NLGN1: variants seen among roughly 807,000 people sequenced by gnomAD.
NLGN1 encodes the protein neuroligin-1.
NLGN1 carries 12 observed loss-of-function variants against 65.5 expected under a neutral mutation model. That is an observed-to-expected ratio of 0.18 (90% CI 0.12 to 0.30). The LOEUF is 0.30. Among genes scored for constraint, NLGN1 ranks in the 10% least tolerant of loss-of-function variants. The pLI, the probability that NLGN1 is intolerant of heterozygous loss-of-function variation, is 1.00. For missense variants in NLGN1, 750 were observed against 1,007.1 expected, an observed-to-expected ratio of 0.74 and a Z score of 3.46; for synonymous variants, 350 against 359.5, an observed-to-expected ratio of 0.97 and a Z score of 0.30.
At chr3:173,758,630 G>A (rs1697716821) in intron 3 of NLGN1, among the ~76,000 whole-genome samples, 1 of 151,788 alleles carries the variant, frequency 6.6e-6, no homozygotes, top group Non-Finnish European at 1.5e-5. Flanking sequence ...GTCTTGCTCT[G>A]ACTTTTGTAA....
intron 4 of NLGN1, among the ~76,000 whole-genome samples, chr3:173,948,549 A>T (rs1187131032): frequency 6.6e-6 from 1 of 152,230 alleles, no homozygotes; most frequent in Non-Finnish European, 1.5e-5. Flanking sequence ...ACAGGGATAG[A>T]AGTTTTAGGA....
At chr3:173,689,775 T>C (rs1028429667) in intron 3 of NLGN1, among the ~76,000 whole-genome samples, 1 of 152,114 alleles carries the variant, frequency 6.6e-6, no homozygotes, top group Non-Finnish European at 1.5e-5. Flanking sequence ...TGAACTACAA[T>C]AAAAATCCTG....
At chr3:173,876,870 G>T (rs1732211526) in intron 4 of NLGN1, among the ~76,000 whole-genome samples, 1 of 152,096 alleles carries the variant, frequency 6.6e-6, no homozygotes, top group East Asian at 1.9e-4. Context: ...TAAATGTCAT[G>T]GAAGTGAGAA....
chr3:174,278,594 T>C (rs967588279), intron 5 of NLGN1, among the ~76,000 whole-genome samples: 7 of 151,856 alleles, frequency 4.6e-5, no homozygotes, highest in African/African-American at 1.7e-4. Context: ...CACTACATCG[T>C]CTCCTTTTCT....
intron 4 of NLGN1, among the ~76,000 whole-genome samples, chr3:174,185,757 T>C (rs1173643298): frequency 6.6e-6 from 1 of 151,718 alleles, no homozygotes; most frequent in African/African-American, 2.4e-5. Context: ...TTGAATGTAG[T>C]CTGCTTTTTA....
intron 3 of NLGN1, among the ~76,000 whole-genome samples, chr3:173,700,235 G>C (rs900203291): frequency 2.0e-5 from 3 of 152,120 alleles, no homozygotes; most frequent in South Asian, 2.1e-4. Flanking sequence ...CTGCAGAAAT[G>C]CTCCATTTTC....
chr3:173,759,729 T>C (rs1332484340), intron 3 of NLGN1, among the ~76,000 whole-genome samples: 1 of 152,006 alleles, frequency 6.6e-6, no homozygotes, highest in African/African-American at 2.4e-5. Context: ...ATAGCTCGTA[T>C]ATTGTTTTTC....
At chr3:173,452,372 G>T (rs1161244491) in intron 2 of NLGN1, among the ~76,000 whole-genome samples, 1 of 152,024 alleles carries the variant, frequency 6.6e-6, no homozygotes, top group East Asian at 1.9e-4. Flanking sequence ...TTTTTTGGTA[G>T]AGACGGGGTT....
At chr3:173,682,661 A>G (rs1166667246) in intron 3 of NLGN1, among the ~76,000 whole-genome samples, 1 of 151,936 alleles carries the variant, frequency 6.6e-6, no homozygotes, top group Non-Finnish European at 1.5e-5. Context: ...AACTTAAATA[A>G]TTGGGTTAAC....
chr3:173,979,817 T>C (rs1718357780), intron 4 of NLGN1, among the ~76,000 whole-genome samples: 2 of 152,258 alleles, frequency 1.3e-5, no homozygotes, highest in South Asian at 2.1e-4. Context: ...GATGAGTAGA[T>C]TGTGAGCCCC....
intron 4 of NLGN1, among the ~76,000 whole-genome samples, chr3:174,242,688 T>A (rs961881): frequency 0.48 from 73,434 of 151,890 alleles, 18,582 homozygotes; most frequent in African/African-American, 0.64. Flanking sequence ...AAGTTGAGGG[T>A]TCCACTGATT....
rs117229504 is a variant in NLGN1 at position 174,273,889 on chromosome 3, A to G, written c.647-1426A>G. Among the ~76,000 whole-genome samples, 25 of 150,634 alleles carry G rather than the reference A, an allele frequency of 1.7e-4. No individual in the cohort carries two copies. In the East Asian group the frequency reaches 4.7e-3, roughly 28 times the overall value. On this transcript the variant is annotated intron_variant, in intron 4 of 6. Transcript: ENST00000457714. ...CTACAATGATCCTAGAGAATTTCTT[A>G]TCCATATATTCAGTTTGGTTATGGA...
chr3:173,796,642 A>C (rs1035366256), intron 3 of NLGN1, among the ~76,000 whole-genome samples: 18 of 152,112 alleles, frequency 1.2e-4, no homozygotes, highest in Non-Finnish European at 1.5e-5. Flanking sequence ...GACAGACCCA[A>C]TAGAGTTTCA....
chr3:173,731,573 A>G (rs1212763449), intron 3 of NLGN1, among the ~76,000 whole-genome samples: 6 of 152,112 alleles, frequency 3.9e-5, no homozygotes, highest in Non-Finnish European at 8.8e-5. Context: ...GGCTCTCAGT[A>G]AAGGTTAGTT....
intron 5 of NLGN1, among the ~76,000 whole-genome samples, chr3:174,277,017 A>G (rs1279116720): frequency 6.6e-5 from 10 of 151,946 alleles, no homozygotes; most frequent in South Asian, 6.2e-4. Context: ...TTAGTTCATC[A>G]GCTAACACTG....
At chr3:173,870,522 G>T (rs1730976292) in intron 4 of NLGN1, among the ~76,000 whole-genome samples, 1 of 152,134 alleles carries the variant, frequency 6.6e-6, no homozygotes, top group Non-Finnish European at 1.5e-5. Flanking sequence ...CAAAAAGGGG[G>T]CTGTTTTGGT....
At chr3:173,867,424 T>C (rs1028749136) in intron 4 of NLGN1, among the ~76,000 whole-genome samples, 1 of 152,166 alleles carries the variant, frequency 6.6e-6, no homozygotes, top group Non-Finnish European at 1.5e-5. Context: ...CAATTTGTGT[T>C]ACTTATAATA....
At chr3:173,870,298 T>C (rs577530877) in intron 4 of NLGN1, among the ~76,000 whole-genome samples, 37 of 152,272 alleles carry the variant, frequency 2.4e-4, no homozygotes, top group African/African-American at 8.7e-4. Context: ...AACTATGAAT[T>C]CCATGAAATT....
chr3:173,418,189 A>AT (rs201520569), intron 1 of NLGN1, among the ~76,000 whole-genome samples: 6 of 149,618 alleles, frequency 4.0e-5, no homozygotes, highest in South Asian at 2.1e-4. Flanking sequence ...CATAATTATA[A>AT]TATAATTGGA....
Sources: gnomAD v4.1 joint callset for allele counts (sites outside exome capture counted in the v4.1 genomes callset) on GRCh38, gnomAD v4.1.1 for gene constraint, MANE v1.5 for transcripts, NCBI Gene and HGNC (gene_info 2026-07-23, HGNC 2026-07-21) for gene names.